Variants in ISM1 observed in about 807,000 individuals in gnomAD.
ISM1 encodes the protein isthmin 1.
Under a neutral mutation model 46.3 loss-of-function variants are expected in ISM1, and 25 were observed. The observed-to-expected ratio is 0.54, with a 90% CI of 0.39 to 0.75. The LOEUF is 0.75. Ranked by LOEUF, ISM1 falls within the 30% of genes least tolerant of loss-of-function variation. The pLI, the probability that ISM1 is intolerant of heterozygous loss-of-function variation, is 0.00. For missense variants in ISM1, 536 were observed against 625.4 expected (o/e 0.86, Z 1.52); for synonymous variants, 255 against 256.7 (o/e 0.99, Z 0.06).
At chr20:13,321,253 T>TACAAAACAAA in the ISM1 span, among the ~76,000 whole-genome samples, 1 of 57,522 alleles carries the variant, frequency 1.7e-5, no homozygotes, top group Non-Finnish European at 3.2e-5. Context: ...GTGCCCCACA[T>TACAAAACAAA]AAAAAAAAAA....
intron 1 of ISM1, among the ~76,000 whole-genome samples, chr20:13,227,560 G>A (rs2039540648): frequency 7.0e-6 from 1 of 142,834 alleles, no homozygotes; most frequent in East Asian, 2.1e-4. Context: ...CCAGGCTGGA[G>A]TGCAGTGGCG....
the ISM1 span, among the ~76,000 whole-genome samples, chr20:13,321,291 TAAA>T: frequency 1.4e-5 from 1 of 72,402 alleles, no homozygotes; most frequent in Non-Finnish European, 2.9e-5. Flanking sequence ...TTATGACAAA[TAAA>T]GAAGATGCTG....
At chr20:13,294,744 C>G (rs749879632) in intron 5 of ISM1, among the ~76,000 whole-genome samples, 1 of 152,176 alleles carries the variant, frequency 6.6e-6, no homozygotes, top group Non-Finnish European at 1.5e-5. Context: ...ACAGCCTATC[C>G]CAGCTGGCAG....
At chr20:13,280,465 T>G (rs2040227775) in intron 3 of ISM1, among the ~76,000 whole-genome samples, 1 of 148,088 alleles carries the variant, frequency 6.8e-6, no homozygotes, top group Non-Finnish European at 1.5e-5. Flanking sequence ...GTAGGATAAG[T>G]GAGGTAACAC....
intron 1 of ISM1, among the ~76,000 whole-genome samples, chr20:13,262,001 G>T (rs748033261): frequency 6.6e-6 from 1 of 152,170 alleles, no homozygotes; most frequent in African/African-American, 2.4e-5. Flanking sequence ...TTCGACACCC[G>T]TTCCCTCTGG....
rs1477318940 is a variant in ISM1, at chr20:13,292,393, G to T, written c.807G>T (p.Arg269Ser). The T allele has an allele frequency of 1.9e-6, 3 of 1,604,618 alleles. No individual in the cohort carries two copies. Among genetic ancestry groups the T allele is most frequent in the Non-Finnish European group, 2.6e-6 (3 of 1,175,152 alleles). ...GTTTAGGAATTGAAGACACTTTTAGGACAGCTGCCACCGAAGTGAGTCTGC... is the reference window on the plus strand; with the variant it reads ...GTTTAGGAATTGAAGACACTTTTAGTACAGCTGCCACCGAAGTGAGTCTGC... ...PNCPGIEDTF[R>S]TAATEVSLLA... is the part of the protein sequence containing the mutation. Residue 269 changes from arginine to serine, a missense_variant, in exon 5 of 6, where the codon AGG becomes AGT. By Grantham distance (110) the Arg-to-Ser change is moderately radical. Coordinates refer to ENST00000262487, the MANE Select transcript of ISM1 (RefSeq NM_080826.2).
the ISM1 span, among the ~76,000 whole-genome samples, chr20:13,323,979 G>A: frequency 6.6e-6 from 1 of 152,164 alleles, no homozygotes; most frequent in Admixed American, 6.6e-5. Flanking sequence ...TGCTTTTAGG[G>A]TGTGTGCTTC....
At chr20:13,224,781 T>C (rs1161835290) in intron 1 of ISM1, among the ~76,000 whole-genome samples, 1 of 151,978 alleles carries the variant, frequency 6.6e-6, no homozygotes, top group Non-Finnish European at 1.5e-5. Flanking sequence ...TTAAGATTTA[T>C]TAAGTGCCTT....
At chr20:13,303,482 A>C (rs964877922), downstream of ISM1, among the ~76,000 whole-genome samples, 2 of 152,340 alleles carry the variant, frequency 1.3e-5, no homozygotes, top group South Asian at 4.1e-4. Flanking sequence ...ACCACACATA[A>C]GCCCTGTGCT....
At chr20:13,260,597 G>A (rs1475584024) in intron 1 of ISM1, among the ~76,000 whole-genome samples, 2 of 150,082 alleles carry the variant, frequency 1.3e-5, no homozygotes, top group Non-Finnish European at 3.0e-5. Context: ...TTGGAATAAA[G>A]TGGAGTTTTT....
intron 1 of ISM1, among the ~76,000 whole-genome samples, chr20:13,254,898 C>T (rs149403191): frequency 4.7e-4 from 72 of 152,310 alleles, no homozygotes; most frequent in African/African-American, 1.7e-3. Context: ...CTTCCTTTTC[C>T]ATCTATTCAT....
intron 1 of ISM1, among the ~76,000 whole-genome samples, chr20:13,253,341 G>A (rs1195115014): frequency 6.9e-6 from 1 of 145,548 alleles, no homozygotes; most frequent in African/African-American, 2.6e-5. Context: ...TTCCTGAGGA[G>A]TGGGTGACCA....
intron 1 of ISM1, among the ~76,000 whole-genome samples, chr20:13,236,408 G>C (rs1309399197): frequency 6.6e-6 from 1 of 152,144 alleles, no homozygotes; most frequent in East Asian, 1.9e-4. Flanking sequence ...CAACACATGG[G>C]AATTCTGGGA....
chr20:13,272,365 C>A (rs905031641), intron 2 of ISM1, among the ~76,000 whole-genome samples: 1 of 152,170 alleles, frequency 6.6e-6, no homozygotes, highest in Admixed American at 6.5e-5. Context: ...CCAACCCCCG[C>A]TGTATATAAA....
At chr20:13,225,448 T>C (rs1346300176) in intron 1 of ISM1, among the ~76,000 whole-genome samples, 1 of 152,192 alleles carries the variant, frequency 6.6e-6, no homozygotes, top group Non-Finnish European at 1.5e-5. Context: ...TACACATACA[T>C]TATATATACA....
chr20:13,302,968 G>A (rs1261407689), downstream of ISM1, among the ~76,000 whole-genome samples: 1 of 152,220 alleles, frequency 6.6e-6, no homozygotes, highest in Non-Finnish European at 1.5e-5. Context: ...AGAGTTCTCT[G>A]TCTTAACGCC....
chr20:13,227,269 T>A (rs1204632031), intron 1 of ISM1, among the ~76,000 whole-genome samples: 1 of 152,158 alleles, frequency 6.6e-6, no homozygotes, highest in Non-Finnish European at 1.5e-5. Context: ...AGTGGCGCTA[T>A]CTTGGCTCAC....
At chr20:13,268,995 T>C (rs1390004787) in intron 1 of ISM1, among the ~76,000 whole-genome samples, 1 of 152,158 alleles carries the variant, frequency 6.6e-6, no homozygotes, top group Non-Finnish European at 1.5e-5. Context: ...TATCTGCTAG[T>C]GTGTTTCAGC....
At position 13,270,618 on chromosome 20, in the gene ISM1, C is replaced by T. The variant is rs199544117; in HGVS notation, c.253C>T (p.Arg85Ter). ...QAAHQPFPRP[R>*]FRQETGHPSL... ...TGCACACCAACCCTTCCCCAGACCG[C>T]GATTCCGACAAGAGACGGGGCACCC... Residue 85 changes from arginine to a stop codon, truncating the protein, a stop_gained, in exon 2 of 6, where the codon CGA becomes TGA. Coordinates refer to ENST00000262487, the MANE Select transcript of ISM1 (RefSeq NM_080826.2). LOFTEE classifies it high-confidence loss of function. 6 of 1,613,970 alleles carry T rather than the reference C, an allele frequency of 3.7e-6. No homozygotes were observed. The Admixed American group carries it at 5.0e-5, about 13-fold the overall frequency.
Sources: allele counts gnomAD v4.1 joint callset (sites outside exome capture counted in the v4.1 genomes callset), GRCh38; gene constraint gnomAD v4.1.1; transcripts MANE v1.5; gene names NCBI Gene and HGNC (gene_info 2026-07-23, HGNC 2026-07-21).